ZNF804B: variants seen among roughly 807,000 people sequenced by gnomAD.
ZNF804B encodes zinc finger 804B.
ZNF804B carries 80 observed loss-of-function variants against 101.4 expected under a neutral mutation model. The observed-to-expected ratio is 0.79, with a 90% CI of 0.66 to 0.95. The LOEUF (loss-of-function observed/expected upper bound fraction) is 0.95. Among genes scored for constraint, ZNF804B ranks in the 40% least tolerant of loss-of-function variants. ZNF804B has a pLI of 0.00. For synonymous variants in ZNF804B, 622 were observed against 558.8 expected (o/e 1.11, Z -1.59); for missense variants, 1,673 against 1,561.9 (o/e 1.07, Z -1.20).
intron 1 of ZNF804B, among the ~76,000 whole-genome samples, chr7:89,193,883 G>C (rs551095510): frequency 6.6e-6 from 1 of 151,986 alleles, no homozygotes; most frequent in Non-Finnish European, 1.5e-5. Flanking sequence ...CTGAGGAATC[G>C]CCACACTGAC....
chr7:88,765,042 G>A (rs1789959080), intron 1 of ZNF804B, among the ~76,000 whole-genome samples: 1 of 151,970 alleles, frequency 6.6e-6, no homozygotes, highest in Non-Finnish European at 1.5e-5. Flanking sequence ...TTTTTAGTTA[G>A]CACCTATGCT....
At chr7:88,874,535 C>T (rs1338778337) in intron 1 of ZNF804B, among the ~76,000 whole-genome samples, 1 of 152,146 alleles carries the variant, frequency 6.6e-6, no homozygotes, top group South Asian at 2.1e-4. Flanking sequence ...GAGAGAGCAT[C>T]CCTGTCTTGT....
At position 89,334,247 on chromosome 7, in the gene ZNF804B, A is replaced by T. The variant is rs1297861420; in HGVS notation, c.1265A>T (p.Lys422Ile). 6.2e-7 allele frequency: 1 copy of T among 1,613,700 alleles called. No homozygotes were observed. The highest frequency in any genetic ancestry group is 1.7e-5 in the Admixed American group (1 of 59,900). The change falls in exon 4 of 4, where the codon AAA becomes ATA. Residue 422 changes from lysine to isoleucine, a missense_variant. Physicochemically the swap from Lys to Ile is moderately radical, Grantham distance 102. Transcript: ENST00000333190. ...KSLDKTERVSKNVQRLVKEAC... is the reference protein window; with the variant it reads ...KSLDKTERVSINVQRLVKEAC... ...TTAGATAAAACAGAAAGAGTTAGCA[A>T]AAATGTTCAAAGACTTGTAAAAGAA...
chr7:88,786,127 A>G (rs1445201171), intron 1 of ZNF804B, among the ~76,000 whole-genome samples: 1 of 152,140 alleles, frequency 6.6e-6, no homozygotes, highest in Non-Finnish European at 1.5e-5. Flanking sequence ...GAATAACTAA[A>G]TGCAGAGAGA....
intron 1 of ZNF804B, among the ~76,000 whole-genome samples, chr7:88,850,202 T>C (rs549756476): frequency 6.6e-6 from 1 of 152,236 alleles, no homozygotes; most frequent in Non-Finnish European, 1.5e-5. Flanking sequence ...AGGTGAGCCT[T>C]CTGCCATGTG....
intron 1 of ZNF804B, among the ~76,000 whole-genome samples, chr7:88,947,680 A>G (rs1440881812): frequency 6.6e-6 from 1 of 151,976 alleles, no homozygotes; most frequent in Non-Finnish European, 1.5e-5. Context: ...TAAAAAAGAA[A>G]AAAAAACTTA....
intron 2 of ZNF804B, among the ~76,000 whole-genome samples, chr7:89,315,376 G>A (rs760965564): frequency 1.5e-4 from 23 of 152,062 alleles, no homozygotes; most frequent in Non-Finnish European, 2.6e-4. Flanking sequence ...AGGTAAGCAA[G>A]TGATTATTGT....
In ZNF804B at chr7:89,087,090, C is replaced by T. The variant is rs1310533133; in HGVS notation, c.109-131065C>T. Among the ~76,000 whole-genome samples the T allele has an allele frequency of 1.3e-4, 20 of 149,150 alleles. No individual in the cohort carries two copies. The East Asian group carries it at 2.9e-3, about 22-fold the overall frequency. ...AAAAAAAGAAAGGAAGCACAATTTT[C>T]GAAGGACTCAGTGCACTCATTGGTT... On this transcript the variant is annotated intron_variant, in intron 1 of 3. Coordinates refer to ENST00000333190, the MANE Select transcript of ZNF804B (RefSeq NM_181646.5).
intron 1 of ZNF804B, among the ~76,000 whole-genome samples, chr7:89,194,976 T>C (rs1229388026): frequency 6.6e-6 from 1 of 152,156 alleles, no homozygotes; most frequent in African/African-American, 2.4e-5. Flanking sequence ...GTTTGTATCC[T>C]CTTTTATTTC....
intron 1 of ZNF804B, among the ~76,000 whole-genome samples, chr7:88,807,286 T>A (rs1030961733): frequency 3.3e-5 from 5 of 152,140 alleles, no homozygotes; most frequent in African/African-American, 7.2e-5. Context: ...AGCATTTTTT[T>A]AATAATAAGA....
chr7:89,068,192 G>A (rs1789483483), intron 1 of ZNF804B, among the ~76,000 whole-genome samples: 1 of 149,756 alleles, frequency 6.7e-6, no homozygotes, highest in Admixed American at 6.7e-5. Flanking sequence ...AAGTTATTAA[G>A]GCAGAATTGG....
intron 1 of ZNF804B, among the ~76,000 whole-genome samples, chr7:89,197,392 A>G (rs1788572404): frequency 6.6e-6 from 1 of 151,924 alleles, no homozygotes; most frequent in African/African-American, 2.4e-5. Context: ...GATGCAAAAT[A>G]TGTGAAAATA....
intron 1 of ZNF804B, among the ~76,000 whole-genome samples, chr7:89,007,514 A>C: frequency 1.3e-4 from 1 of 7,784 alleles, no homozygotes; most frequent in South Asian, 2.7e-3. Context: ...ATATAATTAT[A>C]TATAATATAA....
At chr7:88,776,567 T>TTTTG (rs1790144434) in intron 1 of ZNF804B, among the ~76,000 whole-genome samples, 1 of 145,072 alleles carries the variant, frequency 6.9e-6, no homozygotes, top group African/African-American at 2.7e-5. Context: ...TTTGTTTTTT[T>TTTTG]TTTTTTTTTT....
intron 2 of ZNF804B, among the ~76,000 whole-genome samples, chr7:89,252,470 T>C (rs1789556601): frequency 6.6e-6 from 1 of 152,106 alleles, no homozygotes; most frequent in African/African-American, 2.4e-5. Flanking sequence ...TGGAAAGAAG[T>C]TTGGACATTT....
chr7:88,818,588 A>T (rs1790922917), intron 1 of ZNF804B, among the ~76,000 whole-genome samples: 1 of 152,230 alleles, frequency 6.6e-6, no homozygotes, highest in South Asian at 2.1e-4. Flanking sequence ...AATAATGTAG[A>T]AAATGCATGC....
At chr7:88,793,361 G>C (rs1791734748) in intron 1 of ZNF804B, among the ~76,000 whole-genome samples, 1 of 152,078 alleles carries the variant, frequency 6.6e-6, no homozygotes, top group Admixed American at 6.6e-5. Flanking sequence ...AGTGTTAATA[G>C]TGGGCAGATA....
At chr7:88,975,991 T>C (rs541567693) in intron 1 of ZNF804B, among the ~76,000 whole-genome samples, 22 of 151,864 alleles carry the variant, frequency 1.4e-4, no homozygotes, top group Admixed American at 9.2e-4. Context: ...TGCATATGCA[T>C]ATCCAGTTTT....
intron 1 of ZNF804B, among the ~76,000 whole-genome samples, chr7:88,927,967 G>A (rs1379708497): frequency 6.6e-6 from 1 of 151,998 alleles, no homozygotes; most frequent in Non-Finnish European, 1.5e-5. Context: ...TTATCCATGA[G>A]TCTATCCCCA....
Sources: gnomAD v4.1 joint callset for allele counts (sites outside exome capture counted in the v4.1 genomes callset) on GRCh38, gnomAD v4.1.1 for gene constraint, MANE v1.5 for transcripts, NCBI Gene and HGNC (gene_info 2026-07-23, HGNC 2026-07-21) for gene names.